CSNK1G1: variants seen among roughly 807,000 people sequenced by gnomAD.
CSNK1G1 encodes casein kinase 1 gamma 1, also known as casein kinase I isoform gamma-1.
In CSNK1G1, 22 loss-of-function variants were observed where a neutral mutation model predicts 59.6. The observed-to-expected ratio is 0.37, with a 90% CI of 0.26 to 0.53. The LOEUF is 0.53. Among genes scored for constraint, CSNK1G1 ranks in the 20% least tolerant of loss-of-function variants. The pLI is 0.89. For missense variants in CSNK1G1, 384 were observed against 519.5 expected (o/e 0.74, Z 2.54); for synonymous variants, 179 against 177.1 (o/e 1.01, Z -0.08).
At chr15:64,297,674 G>C (rs1895101395) in intron 2 of CSNK1G1, among the ~76,000 whole-genome samples, 1 of 151,706 alleles carries the variant, frequency 6.6e-6, no homozygotes, top group African/African-American at 2.4e-5. Flanking sequence ...TCCAGGGCGG[G>C]TAACAGAGCA....
chr15:64,275,902 AGCC>A (rs1893586794), intron 2 of CSNK1G1, among the ~76,000 whole-genome samples: 2 of 152,232 alleles, frequency 1.3e-5, no homozygotes, highest in Non-Finnish European at 2.9e-5. Context: ...GAATAATAAG[AGCC>A]ATCAATAAAA....
intron 4 of CSNK1G1, among the ~76,000 whole-genome samples, chr15:64,231,904 T>C (rs920426921): frequency 6.6e-6 from 1 of 152,230 alleles, no homozygotes; most frequent in Non-Finnish European, 1.5e-5. Context: ...AATATTACAT[T>C]TTCCTTCCAA....
chr15:64,276,371 T>C (rs1445910782), intron 2 of CSNK1G1, among the ~76,000 whole-genome samples: 1 of 152,184 alleles, frequency 6.6e-6, no homozygotes, highest in Non-Finnish European at 1.5e-5. Flanking sequence ...CATATGATTT[T>C]CCCCCATGTA....
At chr15:64,264,794 C>A (rs1423257698) in intron 2 of CSNK1G1, among the ~76,000 whole-genome samples, 5 of 152,190 alleles carry the variant, frequency 3.3e-5, no homozygotes, top group Admixed American at 1.3e-4. Context: ...TCAACAGACA[C>A]AGAAAAGACA....
chr15:64,246,640 G>A (rs201300934), intron 4 of CSNK1G1, among the ~76,000 whole-genome samples: 782 of 24,822 alleles, frequency 0.032, 3 homozygotes, highest in East Asian at 0.15. Context: ...AAAAAAAAAA[G>A]GGGGGGGGGG....
intron 4 of CSNK1G1, among the ~76,000 whole-genome samples, chr15:64,241,851 A>T (rs1891478898): frequency 6.6e-6 from 1 of 152,070 alleles, no homozygotes; most frequent in Admixed American, 6.5e-5. Flanking sequence ...GGAGAGAAAT[A>T]ATAAAGAGCA....
chr15:64,303,788 C>T (rs978886545), intron 1 of CSNK1G1, among the ~76,000 whole-genome samples: 1 of 150,866 alleles, frequency 6.6e-6, no homozygotes, highest in African/African-American at 2.4e-5. Context: ...CATGGTGGCG[C>T]ACACCTGTGG....
At chr15:64,217,553 C>G (rs1055150519) in intron 4 of CSNK1G1, among the ~76,000 whole-genome samples, 4 of 152,208 alleles carry the variant, frequency 2.6e-5, no homozygotes, top group African/African-American at 7.2e-5. Context: ...GGCGCAGTGG[C>G]TCATGCCTGT....
At chr15:64,199,044 A>G (rs2140240572) in intron 10 of CSNK1G1, among the ~76,000 whole-genome samples, 1 of 151,714 alleles carries the variant, frequency 6.6e-6, no homozygotes, top group Non-Finnish European at 1.5e-5. Flanking sequence ...GAATTTGAGA[A>G]CAGCCTGAGA....
In CSNK1G1 at chr15:64,216,934, G is replaced by C. The variant is rs1284632796; in HGVS notation, c.293-221C>G. ...GTCATTGCACAATACGTTCAAATGA[G>C]TAGTTATTTAATACCACAGTGCCAA... is the stretch of plus-strand genomic sequence containing the variant. On this transcript the variant is annotated intron_variant, in intron 4 of 11. Coordinates refer to ENST00000303052, the MANE Select transcript of CSNK1G1 (RefSeq NM_022048.5). This position sits in a 1 kb window ranked among gnomAD's most constrained non-coding sequence, Gnocchi z 4.6. Among the ~76,000 whole-genome samples the C allele has an allele frequency of 6.6e-6, 1 of 152,216 alleles. No homozygotes were observed. The highest frequency in any genetic ancestry group is 1.5e-5 in the Non-Finnish European group (1 of 68,048).
intron 10 of CSNK1G1, among the ~76,000 whole-genome samples, chr15:64,185,863 A>G (rs756774722): frequency 0.021 from 2,685 of 125,104 alleles, 66 homozygotes; most frequent in African/African-American, 0.064. Context: ...CTCCATCTCG[A>G]AAAAAAAAAA....
At chr15:64,258,107 G>C (rs561096685) in intron 3 of CSNK1G1, among the ~76,000 whole-genome samples, 2 of 152,096 alleles carry the variant, frequency 1.3e-5, no homozygotes, top group Non-Finnish European at 2.9e-5. Flanking sequence ...TGTGGATGTG[G>C]TAAGTGCAAT....
chr15:64,238,553 AC>A (rs1164231237), intron 4 of CSNK1G1, among the ~76,000 whole-genome samples: 2 of 142,614 alleles, frequency 1.4e-5, no homozygotes, highest in Admixed American at 7.0e-5. Flanking sequence ...ATGAAAAAAA[AC>A]CCACATTCCT....
At chr15:64,236,157 A>AG (rs1445659943) in intron 4 of CSNK1G1, among the ~76,000 whole-genome samples, 2 of 151,412 alleles carry the variant, frequency 1.3e-5, no homozygotes, top group Non-Finnish European at 2.9e-5. Context: ...AAAAAAAAAA[A>AG]AAAAGAAAAG....
At chr15:64,222,635 C>G (rs1438422569) in intron 4 of CSNK1G1, among the ~76,000 whole-genome samples, 1 of 149,130 alleles carries the variant, frequency 6.7e-6, no homozygotes, top group Non-Finnish European at 1.5e-5. Flanking sequence ...TAGTGAAACT[C>G]AACTGGAAGT....
chr15:64,306,976 G>T (rs1895711689), intron 1 of CSNK1G1, among the ~76,000 whole-genome samples: 1 of 130,970 alleles, frequency 7.6e-6, no homozygotes, highest in Admixed American at 8.1e-5. Flanking sequence ...AGATATTGTG[G>T]GTGGGGAGGG....
At chr15:64,207,473 G>A in intron 7 of CSNK1G1, 36 bp downstream of exon 7, 1 of 1,473,738 alleles carries the variant, frequency 6.8e-7, no homozygotes. Flanking sequence ...ACTGAGCATT[G>A]AAACAAAGCC....
intron 4 of CSNK1G1, among the ~76,000 whole-genome samples, chr15:64,241,910 A>G (rs1023385564): frequency 6.6e-6 from 1 of 152,212 alleles, no homozygotes; most frequent in Non-Finnish European, 1.5e-5. Context: ...AATGAAACAA[A>G]AAGTTGTTTT....
At chr15:64,237,769 TAC>T (rs923948648) in intron 4 of CSNK1G1, among the ~76,000 whole-genome samples, 5 of 152,220 alleles carry the variant, frequency 3.3e-5, no homozygotes, top group African/African-American at 1.2e-4. Context: ...CCTGTTAATT[TAC>T]AGTTGCCTAG....
Sources: allele counts gnomAD v4.1 joint callset (sites outside exome capture counted in the v4.1 genomes callset), GRCh38; gene constraint gnomAD v4.1.1; non-coding constraint Gnocchi (gnomAD v3.1); transcripts MANE v1.5; gene names NCBI Gene and HGNC (gene_info 2026-07-23, HGNC 2026-07-21).